The following MTUS2 variants were observed in gnomAD, a reference collection of about 807,000 sequenced individuals.
The protein encoded by MTUS2 is microtubule-associated tumor suppressor candidate 2.
Under a neutral mutation model 114.1 loss-of-function variants are expected in MTUS2, and 40 were observed. The ratio of observed to expected loss-of-function variants is 0.35; its 90% CI spans 0.27 to 0.46. The LOEUF is 0.46. Ranked by LOEUF, MTUS2 falls within the 20% of genes least tolerant of loss-of-function variation. The probability of loss-of-function intolerance (pLI) is 1.00; values close to 1 mark genes in which losing one functional copy is unlikely to be tolerated. For missense variants in MTUS2, 1,679 were observed against 1,705.4 expected (o/e 0.98, Z 0.27); for synonymous variants, 688 against 672.0 (o/e 1.02, Z -0.37).
At chr13:29,076,173 G>T (rs1889184520) in intron 4 of MTUS2, among the ~76,000 whole-genome samples, 2 of 152,152 alleles carry the variant, frequency 1.3e-5, no homozygotes, top group African/African-American at 4.8e-5. Context: ...TCTTCATAAA[G>T]CTTCTTCTGG....
rs189365731 is a variant in MTUS2 at position 29,410,112 on chromosome 13, G to A, written c.3118-29871G>A. On this transcript the variant is annotated intron_variant, in intron 8 of 15. Coordinates refer to ENST00000612955, the MANE Select transcript of MTUS2 (RefSeq NM_001033602.4). ...CTGTTTCCTCGAACCCTTGCCCATC[G>A]AATATGCTGTTGTACTTTTTTTTTT... Among the ~76,000 whole-genome samples the A allele has an allele frequency of 6.3e-3, 853 of 135,986 alleles. 7 individuals are homozygous for A. The highest frequency in any genetic ancestry group is 0.022 in the African/African-American group (813 of 36,296). The allele number at this position is 135,986 out of a possible 152,430, so 89.2% of individuals were successfully genotyped here.
chr13:28,921,413 C>T lies in MTUS2; in HGVS notation c.-243+81563C>T, dbSNP rs112809071. ...TGGTATCCAAGATGTAAGGCAAAGT[C>T]CTCTTTGCTCTTCACTTTCCTCTTT... On this transcript the variant is annotated intron_variant, in intron 2 of 15. Coordinates refer to ENST00000612955, the MANE Select transcript of MTUS2 (RefSeq NM_001033602.4). 1.8e-3 allele frequency among the ~76,000 whole-genome samples: 274 copies of T among 152,268 alleles called. 2 individuals are homozygous for T. Among genetic ancestry groups the T allele is most frequent in the African/African-American group, 6.3e-3 (261 of 41,548 alleles).
chr13:28,884,202 T>C (rs1288062310), intron 2 of MTUS2, among the ~76,000 whole-genome samples: 2 of 152,164 alleles, frequency 1.3e-5, no homozygotes, highest in Non-Finnish European at 2.9e-5. Context: ...TATATACATA[T>C]GATGGAATAT....
At chr13:29,450,944 G>T (rs1878642208) in intron 9 of MTUS2, among the ~76,000 whole-genome samples, 4 of 152,078 alleles carry the variant, frequency 2.6e-5, no homozygotes, top group Admixed American at 2.6e-4. Flanking sequence ...AACACATGAA[G>T]CAAAAATTGA....
chr13:29,090,784 T>G (rs1566002599), intron 4 of MTUS2, among the ~76,000 whole-genome samples: 1 of 152,188 alleles, frequency 6.6e-6, no homozygotes, highest in African/African-American at 2.4e-5. Context: ...ACTTAGAGGA[T>G]TCTAACAAGT....
rs59206498 is a variant in MTUS2 at position 29,504,393 on chromosome 13, GAAAA to G, written c.*1194_*1197del. On this transcript the variant is annotated 3_prime_UTR_variant, in exon 16 of 16. Transcript: ENST00000612955. ...TCAGGGGTTCTAGCAGGGGCTTCCAGAAAAAAAAAACACCATTTCTGTCCCGGGG... is the reference window on the plus strand; with the variant it reads ...TCAGGGGTTCTAGCAGGGGCTTCCAGAAAAAACACCATTTCTGTCCCGGGG... The G allele has an allele frequency of 4.8e-6, 1 of 209,368 alleles. No homozygotes were observed. The highest frequency in any genetic ancestry group is 7.4e-5 in the East Asian group (1 of 13,590). The allele number at this position is 209,368 out of a possible 1,614,324, so 13.0% of individuals were successfully genotyped here.
intron 6 of MTUS2, among the ~76,000 whole-genome samples, chr13:29,309,932 C>T (rs1470206898): frequency 6.6e-6 from 1 of 152,026 alleles, no homozygotes; most frequent in Non-Finnish European, 1.5e-5. Flanking sequence ...TTCAGTTATC[C>T]TCTTTTCATT....
In MTUS2 at chr13:29,106,469, C is replaced by G. The variant is rs2025973; in HGVS notation, c.2644+5499C>G. 5.3e-5 allele frequency among the ~76,000 whole-genome samples: 8 copies of G among 152,238 alleles called. No homozygotes were observed. The East Asian group carries it at 1.6e-3, about 30-fold the overall frequency. On this transcript the variant is annotated intron_variant, in intron 5 of 15. Transcript: ENST00000612955. ...CTGTCTCTTGGGCTTAAGCAATTCT[C>G]TGCCTCAGCCTCCTGAGTAGTTGGA...
At chr13:29,489,020 C>G (rs1311888155) in intron 11 of MTUS2, among the ~76,000 whole-genome samples, 1 of 152,214 alleles carries the variant, frequency 6.6e-6, no homozygotes, top group Non-Finnish European at 1.5e-5. Flanking sequence ...AGCCGTGGCT[C>G]ACACCCGTAA....
chr13:28,971,345 T>C (rs1199454519), intron 2 of MTUS2, among the ~76,000 whole-genome samples: 4 of 152,120 alleles, frequency 2.6e-5, no homozygotes, highest in African/African-American at 9.7e-5. Flanking sequence ...GGAAAACAAA[T>C]GGTATGATTT....
At chr13:29,280,256 T>A (rs760878244) in intron 5 of MTUS2, among the ~76,000 whole-genome samples, 5 of 152,224 alleles carry the variant, frequency 3.3e-5, no homozygotes, top group Non-Finnish European at 5.9e-5. Context: ...ACAGTGCAGA[T>A]CCTTTCAATG....
chr13:29,134,818 T>G (rs1199492734), intron 5 of MTUS2, among the ~76,000 whole-genome samples: 2 of 152,148 alleles, frequency 1.3e-5, no homozygotes, highest in Admixed American at 1.3e-4. Flanking sequence ...GCTCCTGATC[T>G]CAGGTGATGC....
intron 5 of MTUS2, among the ~76,000 whole-genome samples, chr13:29,201,923 G>A (rs186920960): frequency 2.0e-5 from 3 of 152,230 alleles, no homozygotes; most frequent in African/African-American, 7.2e-5. Flanking sequence ...CTTTGTCTCC[G>A]GCTGCCCTTA....
At chr13:29,113,568 C>T (rs1347665659) in intron 5 of MTUS2, among the ~76,000 whole-genome samples, 5 of 152,136 alleles carry the variant, frequency 3.3e-5, no homozygotes, top group Non-Finnish European at 7.3e-5. Flanking sequence ...AACTGAGGAG[C>T]TGAGTTCTAA....
At chr13:29,390,861 C>A (rs1873393146) in intron 8 of MTUS2, among the ~76,000 whole-genome samples, 1 of 151,716 alleles carries the variant, frequency 6.6e-6, no homozygotes, top group African/African-American at 2.4e-5. Flanking sequence ...TGGCTCACTG[C>A]AACCTCTGCC....
chr13:29,013,865 G>C (rs1885956483), intron 2 of MTUS2, among the ~76,000 whole-genome samples: 1 of 152,158 alleles, frequency 6.6e-6, no homozygotes, highest in Non-Finnish European at 1.5e-5. Flanking sequence ...TGGAATTTCT[G>C]TCTTTTTCTT....
At chr13:29,383,252 G>GTGTGTGTGTATT (rs5802519) in intron 8 of MTUS2, among the ~76,000 whole-genome samples, 1,717 of 135,904 alleles carry the variant, frequency 0.013, 16 homozygotes, top group African/African-American at 0.032. Context: ...GTGTGTGTGT[G>GTGTGTGTGTATT]TATTTATTTT....
intron 5 of MTUS2, among the ~76,000 whole-genome samples, chr13:29,229,922 A>G (rs940181747): frequency 1.3e-5 from 2 of 152,236 alleles, no homozygotes; most frequent in African/African-American, 2.4e-5. Flanking sequence ...AAAGTTTTAT[A>G]CACAATGTAT....
chr13:29,047,084 TTTG>T (rs1887658558), intron 4 of MTUS2, among the ~76,000 whole-genome samples: 1 of 152,236 alleles, frequency 6.6e-6, no homozygotes, highest in African/African-American at 2.4e-5. Flanking sequence ...GTAAAATTGC[TTTG>T]TTAAGAATCC....
Sources: gnomAD v4.1 joint callset for allele counts (sites outside exome capture counted in the v4.1 genomes callset) on GRCh38, gnomAD v4.1.1 for gene constraint, MANE v1.5 for transcripts, NCBI Gene and HGNC (gene_info 2026-07-23, HGNC 2026-07-21) for gene names.